TTC38: variants seen among roughly 807,000 people sequenced by gnomAD.
The protein encoded by TTC38 is tetratricopeptide repeat domain 38.
A neutral mutation model predicts 64.2 loss-of-function variants in TTC38; 64 were observed. The observed-to-expected ratio is 1.00, with a 90% CI of 0.81 to 1.23. The LOEUF (loss-of-function observed/expected upper bound fraction) is 1.23, where lower values mean the gene tolerates loss of function less well. Ranked by LOEUF, TTC38 falls within the 50% of genes most tolerant of loss-of-function variation. TTC38 has a pLI of 0.00. For missense variants in TTC38, 573 were observed against 615.5 expected (o/e 0.93, Z 0.73); for synonymous variants, 254 against 249.3 (o/e 1.02, Z -0.18).
rs182585488 is a variant in TTC38 at position 46,274,925 on chromosome 22, T to C, written c.366-323T>C. On this transcript the variant is annotated intron_variant, in intron 4 of 13. Transcript: ENST00000381031. The surrounding 1 kb of genome is among the most constrained non-coding windows in gnomAD (Gnocchi z 4.8). ...ACTGCCTCCACCTCCCGGGTTCAAGTGATTCTCCTGCCTCAGCCTCCCGGG... is the reference window on the plus strand; with the variant it reads ...ACTGCCTCCACCTCCCGGGTTCAAGCGATTCTCCTGCCTCAGCCTCCCGGG... Among the ~76,000 whole-genome samples the C allele has an allele frequency of 5.2e-3, 788 of 152,202 alleles. 6 individuals are homozygous for C. Among genetic ancestry groups the C allele is most frequent in the African/African-American group, 0.018 (743 of 41,526 alleles).
At chr22:46,280,528 G>C (rs1362528122) in intron 6 of TTC38, among the ~76,000 whole-genome samples, 3 of 152,204 alleles carry the variant, frequency 2.0e-5, no homozygotes, top group African/African-American at 7.2e-5. Flanking sequence ...GTCCCGTCTC[G>C]GGGCCCCACG....
chr22:46,276,960 A>G lies in TTC38; in HGVS notation c.539+1539A>G, dbSNP rs1241385276. The stretch of plus-strand genomic sequence containing the variant: ...TAAAAATTAACCGTCATGAAACCTA[A>G]TAGTACCTGACACACAGCAAACATA... On this transcript the variant is annotated intron_variant, in intron 5 of 13. Transcript: ENST00000381031. This position sits in a 1 kb window ranked among gnomAD's most constrained non-coding sequence, Gnocchi z 4.7. 6.6e-6 allele frequency among the ~76,000 whole-genome samples: 1 copy of G among 150,620 alleles called. No homozygotes were observed. The highest frequency in any genetic ancestry group is 1.9e-4 in the East Asian group (1 of 5,190).
At chr22:46,283,126 G>T (rs2077547035) in intron 7 of TTC38, among the ~76,000 whole-genome samples, 1 of 151,912 alleles carries the variant, frequency 6.6e-6, no homozygotes, top group African/African-American at 2.4e-5. Context: ...TAGAGAGACA[G>T]GGTCTCTTCC....
rs771139688 is a variant in TTC38 at position 46,288,555 on chromosome 22, A to G, written c.1049A>G (p.Gln350Arg). The change falls in exon 11 of 14, where the codon CAG (glutamine) becomes CGG (arginine). Residue 350 changes from glutamine (Q) to arginine (R), a missense_variant. Coordinates refer to ENST00000381031, the MANE Select transcript of TTC38 (RefSeq NM_017931.4). ...GGTGCACACGACCCCCAGACCACAC[A>G]GGAGCTGCTGACCACCCTGCGGGAC... ...SLGAHDPQTTQELLTTLRDAS... is the reference protein window; with the variant it reads ...SLGAHDPQTTRELLTTLRDAS... The G allele has an allele frequency of 5.0e-6, 8 of 1,613,628 alleles. No homozygotes were observed. In the East Asian group the frequency reaches 1.8e-4, roughly 36 times the overall value.
At position 46,292,725 on chromosome 22, in the gene TTC38, G is replaced by A. The variant is rs2077624925; in HGVS notation, c.1317-66G>A. The stretch of plus-strand genomic sequence containing the variant: ...TGCCTGTGTTCTGCCTTGGGACCAA[G>A]GGACCACCAGGCCCCACATCCCTCT... On this transcript the variant is annotated intron_variant, in intron 13 of 13. Transcript: ENST00000381031. The surrounding 1 kb of genome is among the most constrained non-coding windows in gnomAD (Gnocchi z 6.5). 1.4e-6 allele frequency: 2 copies of A among 1,434,962 alleles called. No homozygotes were observed. Among genetic ancestry groups the A allele is most frequent in the African/African-American group, 1.4e-5 (1 of 71,412 alleles). 88.9% of individuals were successfully genotyped at this position (1,434,962 alleles called of 1,614,324 possible).
rs1468508938 is a variant in TTC38 at position 46,274,423 on chromosome 22, C to G, written c.365+354C>G. Among the ~76,000 whole-genome samples the G allele has an allele frequency of 5.3e-5, 8 of 152,190 alleles. No homozygotes were observed. The highest frequency in any genetic ancestry group is 5.2e-4 in the Admixed American group (8 of 15,284). On this transcript the variant is annotated intron_variant, in intron 4 of 13. Coordinates refer to ENST00000381031, the MANE Select transcript of TTC38 (RefSeq NM_017931.4). This position sits in a 1 kb window ranked among gnomAD's most constrained non-coding sequence, Gnocchi z 4.8. ...CATGCTTCTTCTAGTGAGAAATAAACAATCAAATCAAATCTTCACCCATAA... is the reference window on the plus strand; with the variant it reads ...CATGCTTCTTCTAGTGAGAAATAAAGAATCAAATCAAATCTTCACCCATAA...
chr22:46,288,128 G>A (rs1343069052), intron 10 of TTC38, among the ~76,000 whole-genome samples: 1 of 152,166 alleles, frequency 6.6e-6, no homozygotes, highest in Non-Finnish European at 1.5e-5. Flanking sequence ...GGGAAGGCCG[G>A]GGGATCCAAG....
At position 46,293,571 on chromosome 22, in the gene TTC38, G is replaced by A. The variant is rs9615938; in HGVS notation, c.*687G>A. The A allele has an allele frequency of 0.071, 10,833 of 152,234 alleles. 529 individuals are homozygous for A. The highest frequency in any genetic ancestry group is 0.11 in the Non-Finnish European group (7,184 of 68,060). The allele number at this position is 152,234 out of a possible 1,614,324, so 9.4% of individuals were successfully genotyped here. A position where few individuals can be genotyped will look rare whatever the true frequency, so the allele number is the denominator to read the frequency against. ...GCTCTGTTGGTGCTGATTTGGACCC[G>A]TTTCTCTTTTTAAACTGCACATCAT... On this transcript the variant is annotated 3_prime_UTR_variant, in exon 14 of 14. Transcript: ENST00000381031. This position sits in a 1 kb window ranked among gnomAD's most constrained non-coding sequence, Gnocchi z 6.6.
In TTC38 at chr22:46,275,630, T is replaced by A. The variant is rs1007230336; in HGVS notation, c.539+209T>A. Among the ~76,000 whole-genome samples, 1 of 152,228 alleles carries A rather than the reference T, an allele frequency of 6.6e-6. No individual in the cohort carries two copies. The highest frequency in any genetic ancestry group is 1.9e-4 in the East Asian group (1 of 5,202). ...TAGTACCATTATGTATCAGTCAGCA[T>A]GGGATTGTTTTTGCTGCAGTAATAA... is the stretch of plus-strand genomic sequence containing the variant. On this transcript the variant is annotated intron_variant, in intron 5 of 13. Transcript: ENST00000381031. The surrounding 1 kb of genome is among the most constrained non-coding windows in gnomAD (Gnocchi z 4.5).
chr22:46,269,098 C>A lies in TTC38; in HGVS notation c.111+507C>A, dbSNP rs543080332. ...TGGGGACATATCTCTGCCCCCCCCC[C>A]ACAGCGTCCTAAAAGGGCCTCTGCA... On this transcript the variant is annotated intron_variant, in intron 2 of 13. Coordinates refer to ENST00000381031, the MANE Select transcript of TTC38 (RefSeq NM_017931.4). 1,336 of 424,304 alleles carry A rather than the reference C, an allele frequency of 3.1e-3. 16 individuals carry two copies. Among genetic ancestry groups the A allele is most frequent in the African/African-American group, 0.023 (1,051 of 45,872 alleles). 26.3% of individuals were successfully genotyped at this position (424,304 alleles called of 1,614,324 possible). A position where few individuals can be genotyped will look rare whatever the true frequency, so the allele number is the denominator to read the frequency against.
At position 46,276,177 on chromosome 22, in the gene TTC38, C is replaced by A. The variant is rs972201197; in HGVS notation, c.539+756C>A. On this transcript the variant is annotated intron_variant, in intron 5 of 13. Transcript: ENST00000381031. The surrounding 1 kb of genome is among the most constrained non-coding windows in gnomAD (Gnocchi z 4.7). ...GGAGATTTATTTTAAGGAATTGGCT[C>A]ATGTGAGTGTGAGGGCTGGCAAGTT... Among the ~76,000 whole-genome samples the A allele has an allele frequency of 6.6e-6, 1 of 152,016 alleles. No individual in the cohort carries two copies. Among genetic ancestry groups the A allele is most frequent in the East Asian group, 1.9e-4 (1 of 5,200 alleles).
At chr22:46,289,955 C>T in intron 13 of TTC38, 56 bp downstream of exon 13, 2 of 1,498,286 alleles carry the variant, frequency 1.3e-6, no homozygotes, top group Non-Finnish European at 1.9e-6. Context: ...TCCCTGCAGA[C>T]CTCAGGAGTG....
In TTC38 at chr22:46,270,691, C is replaced by A. The variant is rs545444954; in HGVS notation, c.112-1644C>A. ...CTACTAAAAATATAAAAAAATTAGC[C>A]GGGCATGGTGGCATGGGCCTGTAAT... On this transcript the variant is annotated intron_variant, in intron 2 of 13. Transcript: ENST00000381031. The surrounding 1 kb of genome is among the most constrained non-coding windows in gnomAD (Gnocchi z 4.7). Among the ~76,000 whole-genome samples, 4 of 151,910 alleles carry A rather than the reference C, an allele frequency of 2.6e-5. No individual in the cohort carries two copies. Among genetic ancestry groups the A allele is most frequent in the Admixed American group, 1.3e-4 (2 of 15,252 alleles).
Position 46,284,005 on chromosome 22 carries a change from G to A in TTC38, c.768G>A (p.Trp256Ter). 5.0e-6 allele frequency: 8 copies of A among 1,605,830 alleles called. No individual in the cohort carries two copies. The highest frequency in any genetic ancestry group is 6.8e-6 in the Non-Finnish European group (8 of 1,177,806). ...DSDMLACHNY[W>*]HWALYLIEKG... ...ATATGTTGGCTTGTCATAACTATTG[G>A]CACTGGGCTTTATATCTGATTGAGA... Residue 256 changes from tryptophan to a stop codon, truncating the protein, a stop_gained, in exon 8 of 14, where the codon TGG (tryptophan) becomes TGA (stop). Coordinates refer to ENST00000381031, the MANE Select transcript of TTC38 (RefSeq NM_017931.4). LOFTEE classifies it high-confidence loss of function.
chr22:46,283,954 T>G lies in TTC38; in HGVS notation c.736-19T>G, dbSNP rs6008505. ...GCCTTCAGACTTTTCATAAATTCTC[T>G]TTTTTTTTTTTTCTCCAGGACTCTG... On this transcript the variant is annotated intron_variant, in intron 7 of 13. Coordinates refer to ENST00000381031, the MANE Select transcript of TTC38 (RefSeq NM_017931.4). 189,422 of 1,029,724 alleles carry G rather than the reference T, an allele frequency of 0.18. 10,552 individuals are homozygous for G. Among genetic ancestry groups the G allele is most frequent in the African/African-American group, 0.48 (29,139 of 61,084 alleles). The allele number at this position is 1,029,724 out of a possible 1,614,324, so 63.8% of individuals were successfully genotyped here.
chr22:46,277,658 A>C lies in TTC38; in HGVS notation c.540-928A>C, dbSNP rs2077502975. Among the ~76,000 whole-genome samples the C allele has an allele frequency of 2.0e-5, 3 of 150,570 alleles. No homozygotes were observed. In the South Asian group the frequency reaches 6.3e-4, roughly 32 times the overall value. On this transcript the variant is annotated intron_variant, in intron 5 of 13. Coordinates refer to ENST00000381031, the MANE Select transcript of TTC38 (RefSeq NM_017931.4). ...AGAGATTGGAAGCGTGCAATTATTC[A>C]GCAGTGTCTTCTAGCCCATCCTGGG...
chr22:46,293,134 C>A lies in TTC38; in HGVS notation c.*250C>A. 1 of 462,162 alleles carries A rather than the reference C, an allele frequency of 2.2e-6. No individual in the cohort carries two copies. Among genetic ancestry groups the A allele is most frequent in the Middle Eastern group, 6.1e-4 (1 of 1,636 alleles). The allele number at this position is 462,162 out of a possible 1,614,324, so 28.6% of individuals were successfully genotyped here. Reference sequence around the variant, plus strand: ...ACAGCCAGTGTGAGTGCTGCTCTTTCCACCTGCCTTGCAAATTCTGTTTCC... The same window carrying A: ...ACAGCCAGTGTGAGTGCTGCTCTTTACACCTGCCTTGCAAATTCTGTTTCC... On this transcript the variant is annotated 3_prime_UTR_variant, in exon 14 of 14. Transcript: ENST00000381031. This position sits in a 1 kb window ranked among gnomAD's most constrained non-coding sequence, Gnocchi z 6.6.
chr22:46,278,536 T>G, intron 5 of TTC38, 50 bp from the exon 6 acceptor site: 1 of 1,507,706 alleles, frequency 6.6e-7, no homozygotes. Context: ...CAGTTCAACC[T>G]GCTACCCATC....
In TTC38 at chr22:46,276,825, AT is replaced by A. The variant is rs1569017792; in HGVS notation, c.539+1405del. Among the ~76,000 whole-genome samples, 81 of 87,924 alleles carry A rather than the reference AT, an allele frequency of 9.2e-4. No individual in the cohort carries two copies. The African/African-American group carries it at 0.013, about 14-fold the overall frequency. The allele number at this position is 87,924 out of a possible 152,430, so 57.7% of individuals were successfully genotyped here. ...TTATATATTAAAATATATATATTAA[AT>A]ATATATATATATATAAACATATATA... On this transcript the variant is annotated intron_variant, in intron 5 of 13. Transcript: ENST00000381031. The surrounding 1 kb of genome is among the most constrained non-coding windows in gnomAD (Gnocchi z 4.7).
Sources: gnomAD v4.1 joint callset for allele counts (sites outside exome capture counted in the v4.1 genomes callset) on GRCh38, gnomAD v4.1.1 for gene constraint, Gnocchi (gnomAD v3.1) non-coding constraint, MANE v1.5 for transcripts, NCBI Gene and HGNC (gene_info 2026-07-23, HGNC 2026-07-21) for gene names.